HMG20B: variants seen among roughly 807,000 people sequenced by gnomAD.
The protein encoded by HMG20B is SWI/SNF-related matrix-associated actin-dependent regulator of chromatin subfamily E member 1-related.
In HMG20B, 24 loss-of-function variants were observed where a neutral mutation model predicts 41.6. That is an observed-to-expected ratio of 0.58 (90% CI 0.42 to 0.81). The LOEUF is 0.81. Ranked by LOEUF, HMG20B falls within the 30% of genes least tolerant of loss-of-function variation. The pLI is 0.00. For missense variants in HMG20B, 461 were observed against 444.0 expected (o/e 1.04, Z -0.34); for synonymous variants, 251 against 186.6 (o/e 1.34, Z -2.81).
At chr19:3,578,222 A>G (rs930483979) in intron 9 of HMG20B, 109 bp downstream of exon 9, 6 of 1,442,168 alleles carry the variant, frequency 4.2e-6, no homozygotes, top group African/African-American at 1.4e-5. Context: ...GCAGCTTACT[A>G]GAGATCACCT....
chr19:3,573,653 T>C (rs1043462757), intron 2 of HMG20B, 39 bp from the exon 3 acceptor site: 5 of 1,450,628 alleles, frequency 3.4e-6, no homozygotes, highest in Non-Finnish European at 3.6e-6. Context: ...GGAGGGGAGA[T>C]TCTTGGGACG....
chr19:3,576,646 T>C, intron 7 of HMG20B, 21 bp downstream of exon 7: 1 of 1,596,544 alleles, frequency 6.3e-7, no homozygotes. Context: ...ACTGCGCTCC[T>C]GATGCGAACT....
chr19:3,574,715 C>CTTTT (rs142748294), intron 4 of HMG20B, 129 bp downstream of exon 4: 47 of 585,692 alleles, frequency 8.0e-5, no homozygotes, highest in African/African-American at 1.0e-4. Flanking sequence ...CCATAACCAA[C>CTTTT]TTTTTTTTTT....
chr19:3,576,866 C>T (rs1844471651), intron 7 of HMG20B, 26 bp from the exon 8 acceptor site: 2 of 1,552,906 alleles, frequency 1.3e-6, no homozygotes, highest in Admixed American at 1.9e-5. Context: ...GAGGCGCAGG[C>T]TTTGACCCCG....
intron 3 of HMG20B, 110 bp downstream of exon 3, chr19:3,573,910 T>G: frequency 9.4e-7 from 1 of 1,067,538 alleles, no homozygotes; most frequent in Non-Finnish European, 1.4e-6. Flanking sequence ...CAGCCCATTT[T>G]CCTCTGGAAG....
rs1266046042 is a variant in HMG20B, at chr19:3,578,104, A to G, written c.932A>G (p.Gln311Arg). The stretch of plus-strand genomic sequence containing the variant: ...GTCCGCATCAAGGAAATCCTGGCCC[A>G]GGTCGCCAGGTGTGTGCCGGGCGAG... The part of the protein sequence containing the change: ...LIVRIKEILA[Q>R]VASEHL The change falls in exon 9 of 10, where the codon CAG (glutamine) becomes CGG (arginine). Residue 311 changes from glutamine (Q) to arginine (R), a missense_variant. Coordinates refer to ENST00000333651, the MANE Select transcript of HMG20B (RefSeq NM_006339.3). The G allele has an allele frequency of 6.2e-7, 1 of 1,610,962 alleles. No homozygotes were observed. The highest frequency in any genetic ancestry group is 1.7e-5 in the Admixed American group (1 of 59,966).
intron 6 of HMG20B, 90 bp from the exon 7 acceptor site, chr19:3,576,463 C>T: frequency 2.2e-6 from 3 of 1,378,972 alleles, no homozygotes; most frequent in South Asian, 1.2e-5. Flanking sequence ...ACCGGGGTGT[C>T]CCAGGAGACC....
chr19:3,578,452 G>T (rs556226874), intron 9 of HMG20B, 57 bp from the exon 10 acceptor site: 12 of 1,469,642 alleles, frequency 8.2e-6, no homozygotes, highest in Non-Finnish European at 1.1e-5. Flanking sequence ...CCCCAGGGCC[G>T]GGGTGGGGGC....
chr19:3,575,761 G>C, intron 5 of HMG20B, 101 bp downstream of exon 5: 1 of 971,270 alleles, frequency 1.0e-6, no homozygotes, highest in Non-Finnish European at 1.5e-6. Flanking sequence ...GGCCAACATA[G>C]TGAAACCCTC....
intron 9 of HMG20B, 196 bp downstream of exon 9, chr19:3,578,309 C>T (rs1018680766): frequency 3.5e-6 from 4 of 1,129,876 alleles, no homozygotes; most frequent in Non-Finnish European, 4.9e-6. Flanking sequence ...GCCGGCGGGA[C>T]CCACTCGGGG....
chr19:3,575,943 C>CAAAAA (rs71166913), intron 5 of HMG20B: 11 of 289,558 alleles, frequency 3.8e-5, no homozygotes, highest in South Asian at 1.5e-4. Context: ...GACTCCGTCT[C>CAAAAA]AAAAAAAAAA....
In HMG20B at chr19:3,573,469, TCTCC is replaced by T. The variant is rs1011991246; in HGVS notation, c.38+127_38+130del. 158 of 1,121,876 alleles carry T rather than the reference TCTCC, an allele frequency of 1.4e-4. 1 individual carries two copies. In the Middle Eastern group the frequency reaches 3.7e-3, roughly 26 times the overall value. 69.5% of individuals were successfully genotyped at this position (1,121,876 alleles called of 1,614,324 possible). ...ACTCCCCCACCTGGGTCAGGGGGCT[TCTCC>T]CTCCACCCAATTCTGCACCCCCCAC... On this transcript the variant is annotated intron_variant, in intron 2 of 9. Coordinates refer to ENST00000333651, the MANE Select transcript of HMG20B (RefSeq NM_006339.3).
chr19:3,573,249 G>T (rs2032080039), intron 1 of HMG20B, 43 bp from the exon 2 acceptor site: 1 of 1,479,952 alleles, frequency 6.8e-7, no homozygotes, highest in Non-Finnish European at 9.0e-7. Context: ...CTGCCATCGG[G>T]CAGCCCGGGC....
At chr19:3,574,899 A>C (rs1015252724) in intron 4 of HMG20B, among the ~76,000 whole-genome samples, 1 of 151,988 alleles carries the variant, frequency 6.6e-6, no homozygotes, top group African/African-American at 2.4e-5. Flanking sequence ...TTGTATTTTT[A>C]GTAGAAATGG....
chr19:3,575,560 G>C lies in HMG20B; in HGVS notation c.372G>C (p.Glu124Asp). 6.4e-7 allele frequency: 1 copy of C among 1,562,180 alleles called. No individual in the cohort carries two copies. Among genetic ancestry groups the C allele is most frequent in the Non-Finnish European group, 8.7e-7 (1 of 1,153,604 alleles). The change falls in exon 5 of 10, where the codon GAG becomes GAC. Residue 124 changes from glutamate (E) to aspartate (D), a missense_variant. Physicochemically the swap from Glu to Asp is conservative, Grantham distance 45. Transcript: ENST00000333651. ...CCCAGCGGTACCTGGATGAGGCCGAGAGAGAGAAGCAGCAGTACATGAAGG... is the reference window on the plus strand; with the variant it reads ...CCCAGCGGTACCTGGATGAGGCCGACAGAGAGAAGCAGCAGTACATGAAGG... The part of the protein sequence containing the change: ...TEKQRYLDEA[E>D]REKQQYMKEL...
intron 8 of HMG20B, 68 bp downstream of exon 8, chr19:3,577,175 T>TCTCTTCCC: frequency 1.0e-6 from 1 of 971,228 alleles, no homozygotes; most frequent in East Asian, 3.4e-5. Flanking sequence ...CCCCCCCTCC[T>TCTCTTCCC]CCCTTCCCCC....
Position 3,578,112 on chromosome 19 carries a change from A to C in HMG20B, c.940A>C (p.Ser314Arg). 2 of 1,606,448 alleles carry C rather than the reference A, an allele frequency of 1.2e-6. No homozygotes were observed. The highest frequency in any genetic ancestry group is 1.7e-6 in the Non-Finnish European group (2 of 1,176,470). ...CAAGGAAATCCTGGCCCAGGTCGCC[A>C]GGTGTGTGCCGGGCGAGGCGGGGCG... Reference protein sequence around the residue: ...RIKEILAQVASEHL With the variant: ...RIKEILAQVAREHL Residue 314 changes from serine (S) to arginine (R), a missense_variant and splice_region_variant, in exon 9 of 10, where the codon AGC (serine) becomes CGC (arginine). Coordinates refer to ENST00000333651, the MANE Select transcript of HMG20B (RefSeq NM_006339.3).
chr19:3,577,166 C>A (rs2032183955), intron 8 of HMG20B, 59 bp downstream of exon 8: 2 of 1,166,728 alleles, frequency 1.7e-6, no homozygotes, highest in South Asian at 3.3e-5. Flanking sequence ...CCCGCCTCCC[C>A]CCCCCTCCTC....
At chr19:3,577,888 G>C in intron 8 of HMG20B, 93 bp from the exon 9 acceptor site, 2 of 1,228,514 alleles carry the variant, frequency 1.6e-6, no homozygotes, top group Middle Eastern at 2.8e-4. Context: ...GCGCCCGCGC[G>C]ACCCGCCCTG....
Sources: gnomAD v4.1 joint callset for allele counts (sites outside exome capture counted in the v4.1 genomes callset) on GRCh38, gnomAD v4.1.1 for gene constraint, MANE v1.5 for transcripts, NCBI Gene and HGNC (gene_info 2026-07-23, HGNC 2026-07-21) for gene names.